Variants in KRR1 observed in about 807,000 individuals in gnomAD.
KRR1 encodes the protein KRR1 small subunit processome component homolog.
KRR1 carries 23 observed loss-of-function variants against 50.0 expected under a neutral mutation model. The observed-to-expected ratio is 0.46, with a 90% confidence interval of 0.33 to 0.65. The LOEUF (loss-of-function observed/expected upper bound fraction) is 0.65, where lower values mean the gene tolerates loss of function less well. Among genes scored for constraint, KRR1 ranks in the 30% least tolerant of loss-of-function variants. KRR1 has a pLI of 0.02. For missense variants in KRR1, 419 were observed against 442.4 expected (o/e 0.95, Z 0.47); for synonymous variants, 133 against 146.3 (o/e 0.91, Z 0.66).
At chr12:75,505,897 T>C (rs1337729233) in intron 5 of KRR1, among the ~76,000 whole-genome samples, 4 of 152,114 alleles carry the variant, frequency 2.6e-5, no homozygotes, top group South Asian at 2.1e-4. Context: ...CAAAAGAAAC[T>C]ACATCTTGAA....
chr12:75,506,520 T>C lies in KRR1; in HGVS notation c.483A>G (p.Arg161=). 6.2e-7 allele frequency: 1 copy of C among 1,612,212 alleles called. No individual in the cohort carries two copies. Among genetic ancestry groups the C allele is most frequent in the Non-Finnish European group, 8.5e-7 (1 of 1,179,420 alleles). The change falls in exon 4 of 10, where the codon AGA becomes AGG. Residue 161 remains arginine (R), a synonymous_variant. Coordinates refer to ENST00000229214, the MANE Select transcript of KRR1 (RefSeq NM_007043.7). ...VRNKERFVKR[R]QRLIGPKGST... is the part of the protein sequence containing the mutation. ...ATCCTTTGGGACCAATAAGCCGTTGTCTTCGTTTTACAAATCTCTCTTTAT... is the reference window on the plus strand; with the variant it reads ...ATCCTTTGGGACCAATAAGCCGTTGCCTTCGTTTTACAAATCTCTCTTTAT...
rs2046360843 is a variant in KRR1, at chr12:75,497,887, AATAT to A, written c.*1918_*1921del. On this transcript the variant is annotated 3_prime_UTR_variant, in exon 10 of 10. Transcript: ENST00000229214. ...AATAGTTGAATATTGAACATTTAAAAATATATATAAAAAAAAATAACTAGAACAT... is the reference window on the plus strand; with the variant it reads ...AATAGTTGAATATTGAACATTTAAAAATATAAAAAAAAATAACTAGAACAT... 1.5e-5 allele frequency: 2 copies of A among 129,298 alleles called. No individual in the cohort carries two copies. Among genetic ancestry groups the A allele is most frequent in the African/African-American group, 5.2e-5 (2 of 38,684 alleles). 8.0% of individuals were successfully genotyped at this position (129,298 alleles called of 1,614,324 possible).
At position 75,495,823 on chromosome 12, in the gene KRR1, T is replaced by C. The variant is rs2046347264; in HGVS notation, c.*3986A>G. The stretch of plus-strand genomic sequence containing the variant: ...TGGCTTACTGTTCTAGGAATACATT[T>C]AAGAGAAATTTAAATGTGAAAATCA... On this transcript the variant is annotated 3_prime_UTR_variant, in exon 10 of 10. Transcript: ENST00000229214. 1 of 450,096 alleles carries C rather than the reference T, an allele frequency of 2.2e-6. No homozygotes were observed. The highest frequency in any genetic ancestry group is 4.1e-6 in the Non-Finnish European group (1 of 246,452). The allele number at this position is 450,096 out of a possible 1,614,324, so 27.9% of individuals were successfully genotyped here. A position where few individuals can be genotyped will look rare whatever the true frequency, so the allele number is the denominator to read the frequency against.
rs1193374171 is a variant in KRR1, at chr12:75,499,091, A to G, written c.*718T>C. The G allele has an allele frequency of 3.3e-5, 20 of 605,788 alleles. No homozygotes were observed. Among genetic ancestry groups the G allele is most frequent in the South Asian group, 8.2e-5 (3 of 36,600 alleles). 37.5% of individuals were successfully genotyped at this position (605,788 alleles called of 1,614,324 possible). A position where few individuals can be genotyped will look rare whatever the true frequency, so the allele number is the denominator to read the frequency against. Reference sequence around the variant, plus strand: ...TTTAAAACATTTCAGAAAAAAATATATGTTATAGCAATACTCTTACTCAAA... The same window carrying G: ...TTTAAAACATTTCAGAAAAAAATATGTGTTATAGCAATACTCTTACTCAAA... On this transcript the variant is annotated 3_prime_UTR_variant, in exon 10 of 10. Transcript: ENST00000229214.
chr12:75,501,995 A>T lies in KRR1; in HGVS notation c.837T>A (p.Asp279Glu). The T allele has an allele frequency of 6.2e-7, 1 of 1,610,768 alleles. No individual in the cohort carries two copies. The highest frequency in any genetic ancestry group is 8.5e-7 in the Non-Finnish European group (1 of 1,178,262). ...FPPPQPESQI[D>E]KELASGEYFL... ...AGTATTCACCACTAGCCAATTCTTT[A>T]TCGATCTGTTGAAAACGGTATTTAC... is the stretch of plus-strand genomic sequence containing the variant. The change falls in exon 8 of 10, where the codon GAT becomes GAA. Residue 279 changes from aspartate to glutamate, a missense_variant. Transcript: ENST00000229214.
intron 6 of KRR1, 40 bp from the exon 7 acceptor site, chr12:75,504,114 A>G: frequency 6.8e-7 from 1 of 1,462,464 alleles, no homozygotes; most frequent in African/African-American, 1.4e-5. Context: ...TACTTTCCAA[A>G]GTCACACATT....
At chr12:75,505,286 C>T in intron 5 of KRR1, 32 bp from the exon 6 acceptor site, 2 of 1,557,098 alleles carry the variant, frequency 1.3e-6, no homozygotes, top group Non-Finnish European at 1.7e-6. Context: ...GAATTAGTCA[C>T]AAGGATTTTA....
intron 2 of KRR1, among the ~76,000 whole-genome samples, chr12:75,507,130 A>G (rs1004587308): frequency 1.3e-5 from 2 of 152,154 alleles, no homozygotes; most frequent in African/African-American, 4.8e-5. Flanking sequence ...GAAACCATTT[A>G]CCCTTGGTTT....
Position 75,498,975 on chromosome 12 carries a change from C to T in KRR1, c.*834G>A. 1 of 1,573,048 alleles carries T rather than the reference C, an allele frequency of 6.4e-7. No homozygotes were observed. Among genetic ancestry groups the T allele is most frequent in the East Asian group, 2.3e-5 (1 of 44,196 alleles). On this transcript the variant is annotated 3_prime_UTR_variant, in exon 10 of 10. Coordinates refer to ENST00000229214, the MANE Select transcript of KRR1 (RefSeq NM_007043.7). ...AGTACCCTAATTTAGTTCTTTTGGA[C>T]TAATACAATTCAGGAAAGAAAAAAC... is the stretch of plus-strand genomic sequence containing the variant.
intron 7 of KRR1, chr12:75,503,416 G>C (rs2046407527): frequency 6.6e-6 from 1 of 152,088 alleles, no homozygotes; most frequent in African/African-American, 2.4e-5. Flanking sequence ...AGTAAAAAGG[G>C]GCATGAATCA....
Position 75,498,780 on chromosome 12 carries a change from A to G in KRR1, c.*1029T>C. On this transcript the variant is annotated 3_prime_UTR_variant, in exon 10 of 10. Coordinates refer to ENST00000229214, the MANE Select transcript of KRR1 (RefSeq NM_007043.7). Reference sequence around the variant, plus strand: ...GCTATGTGAATTCTGTCAGTGCATTATGAGGAACAATGTCTAAGAGGATAT... The same window carrying G: ...GCTATGTGAATTCTGTCAGTGCATTGTGAGGAACAATGTCTAAGAGGATAT... 1 of 1,607,504 alleles carries G rather than the reference A, an allele frequency of 6.2e-7. No homozygotes were observed. The highest frequency in any genetic ancestry group is 2.2e-5 in the East Asian group (1 of 44,790).
Position 75,498,734 on chromosome 12 carries a change from T to C in KRR1, c.*1075A>G, listed in dbSNP as rs1187211618. ...ACCAAGTCAAACGTACGTACATCAA[T>C]CTTAAATTGTTTCATTAAGAGCTAT... On this transcript the variant is annotated 3_prime_UTR_variant, in exon 10 of 10. Coordinates refer to ENST00000229214, the MANE Select transcript of KRR1 (RefSeq NM_007043.7). 1.2e-6 allele frequency: 2 copies of C among 1,611,920 alleles called. No individual in the cohort carries two copies. The highest frequency in any genetic ancestry group is 2.2e-5 in the East Asian group (1 of 44,830).
intron 1 of KRR1, 30 bp downstream of exon 1, chr12:75,511,483 C>A (rs1263704114): frequency 1.3e-6 from 2 of 1,594,350 alleles, no homozygotes; most frequent in Non-Finnish European, 1.7e-6. Flanking sequence ...CGTACACAAA[C>A]CCCAGGCTTC....
In KRR1 at chr12:75,504,053, ACT is replaced by A. The variant is rs2046411418; in HGVS notation, c.680_681del (p.Glu227ValfsTer6). 2 of 1,611,062 alleles carry A rather than the reference ACT, an allele frequency of 1.2e-6. No homozygotes were observed. Among genetic ancestry groups the A allele is most frequent in the Non-Finnish European group, 8.5e-7 (1 of 1,178,258 alleles). ...GATCGTAATTCAGAATCTTTTGCCAACTCTCTCTTAATCATTAAGCTCTTTAG... is the reference window on the plus strand; with the variant it reads ...GATCGTAATTCAGAATCTTTTGCCAACTCTCTTAATCATTAAGCTCTTTAG... The part of the protein sequence containing the change: ...YNIKSLMIKR[E>X]LAKDSELRSQ... On this transcript the variant is annotated frameshift_variant, in exon 7 of 10. Coordinates refer to ENST00000229214, the MANE Select transcript of KRR1 (RefSeq NM_007043.7). LOFTEE classifies it high-confidence loss of function.
rs781256310 is a variant in KRR1, at chr12:75,501,794, C to T, written c.932G>A (p.Ser311Asn). The T allele has an allele frequency of 1.9e-6, 3 of 1,609,734 alleles. No individual in the cohort carries two copies. Among genetic ancestry groups the T allele is most frequent in the Non-Finnish European group, 2.5e-6 (3 of 1,177,682 alleles). Residue 311 changes from serine (S) to asparagine (N), a missense_variant, in exon 9 of 10, where the codon AGT (serine) becomes AAT (asparagine). Coordinates refer to ENST00000229214, the MANE Select transcript of KRR1 (RefSeq NM_007043.7). ...AIKAKQAEAI[S>N]KRQEERNKAF... Reference sequence around the variant, plus strand: ...TTTGTTTCTTTCCTCTTGTCTCTTACTGATGGCTTCTGCTTGTTTAGCCTA... The same window carrying T: ...TTTGTTTCTTTCCTCTTGTCTCTTATTGATGGCTTCTGCTTGTTTAGCCTA...
At position 75,511,023 on chromosome 12, in the gene KRR1, A is replaced by G. The variant is rs563374736; in HGVS notation, c.85+490T>C. On this transcript the variant is annotated intron_variant, in intron 1 of 9. Transcript: ENST00000229214. Reference sequence around the variant, plus strand: ...GGGCTGTGTCGTCTAATATTTTAGCATCTGACAAACAGGAATTGATAATCT... The same window carrying G: ...GGGCTGTGTCGTCTAATATTTTAGCGTCTGACAAACAGGAATTGATAATCT... Among the ~76,000 whole-genome samples, 550 of 152,360 alleles carry G rather than the reference A, an allele frequency of 3.6e-3. 1 individual carries two copies. Among genetic ancestry groups the G allele is most frequent in the Non-Finnish European group, 5.9e-3 (403 of 68,036 alleles).
chr12:75,501,287 T>C (rs763437081), intron 9 of KRR1: 20 of 160,332 alleles, frequency 1.2e-4, no homozygotes, highest in Non-Finnish European at 2.2e-4. Flanking sequence ...CATCCTTTAG[T>C]CTAAGGTGAT....
Position 75,511,510 on chromosome 12 carries a change from C to A in KRR1, c.85+3G>T. On this transcript the variant is annotated splice_donor_region_variant and intron_variant, in intron 1 of 9. Transcript: ENST00000229214. ...CCAGGCTTCGGTTCCCACATAACATCACCTTGGTTCTCCGGCTTCGGCTTC... is the reference window on the plus strand; with the variant it reads ...CCAGGCTTCGGTTCCCACATAACATAACCTTGGTTCTCCGGCTTCGGCTTC... 6.2e-7 allele frequency: 1 copy of A among 1,613,714 alleles called. No homozygotes were observed. Among genetic ancestry groups the A allele is most frequent in the Non-Finnish European group, 8.5e-7 (1 of 1,179,582 alleles).
intron 2 of KRR1, 43 bp from the exon 3 acceptor site, chr12:75,506,959 T>G (rs917451418): frequency 8.5e-6 from 13 of 1,528,758 alleles, no homozygotes; most frequent in African/African-American, 1.4e-5. Flanking sequence ...TAAAAATGAG[T>G]TTTTTTAGAT....
Sources: allele counts gnomAD v4.1 joint callset (sites outside exome capture counted in the v4.1 genomes callset), GRCh38; gene constraint gnomAD v4.1.1; transcripts MANE v1.5; gene names NCBI Gene and HGNC (gene_info 2026-07-23, HGNC 2026-07-21).